SEZ6L: variants seen among roughly 807,000 people sequenced by gnomAD.
SEZ6L encodes seizure related 6 homolog like.
SEZ6L carries 37 observed loss-of-function variants against 106.2 expected under a neutral mutation model. The ratio of observed to expected loss-of-function variants is 0.35; its 90% CI spans 0.27 to 0.46. The LOEUF (loss-of-function observed/expected upper bound fraction) is 0.46, where lower values mean the gene tolerates loss of function less well. Among genes scored for constraint, SEZ6L ranks in the 20% least tolerant of loss-of-function variants. The pLI, the probability that SEZ6L is intolerant of heterozygous loss-of-function variation, is 1.00. For synonymous variants in SEZ6L, 541 were observed against 570.4 expected (o/e 0.95, Z 0.73); for missense variants, 1,172 against 1,332.8 (o/e 0.88, Z 1.88).
At chr22:26,212,734 C>A (rs1365029370) in intron 1 of SEZ6L, among the ~76,000 whole-genome samples, 1 of 152,104 alleles carries the variant, frequency 6.6e-6, no homozygotes, top group Non-Finnish European at 1.5e-5. Flanking sequence ...AGATAAGGGC[C>A]TTGAAAGTAG....
chr22:26,347,731 A>G lies in SEZ6L; in HGVS notation c.2225A>G (p.Asn742Ser). The G allele has an allele frequency of 6.2e-7, 1 of 1,604,676 alleles. No individual in the cohort carries two copies. Among genetic ancestry groups the G allele is most frequent in the East Asian group, 2.3e-5 (1 of 44,022 alleles). ...FIMNYIEVSR[N>S]DSCSDLPEIQ... ...TTCTCTTTTAAAGAGGTATCAAGGAATGACTCCTGCTCGGATTTACCCGAG... is the reference window on the plus strand; with the variant it reads ...TTCTCTTTTAAAGAGGTATCAAGGAGTGACTCCTGCTCGGATTTACCCGAG... Residue 742 changes from asparagine (N) to serine (S), a missense_variant, in exon 11 of 17, where the codon AAT becomes AGT. Physicochemically the swap from Asn to Ser is conservative, Grantham distance 46. Around this residue, in one of 4 missense-constraint regions of SEZ6L, gnomAD observed 534 missense variants for 691.0 expected, o/e 0.77. Transcript: ENST00000248933.
intron 14 of SEZ6L, among the ~76,000 whole-genome samples, chr22:26,374,340 A>G (rs2084145858): frequency 6.6e-6 from 1 of 151,730 alleles, no homozygotes; most frequent in Non-Finnish European, 1.5e-5. Context: ...TCTGACAATA[A>G]TGAGTTCACT....
intron 9 of SEZ6L, among the ~76,000 whole-genome samples, chr22:26,339,498 T>A (rs2082756209): frequency 6.6e-6 from 1 of 152,240 alleles, no homozygotes; most frequent in Non-Finnish European, 1.5e-5. Context: ...AACTATCCAC[T>A]GTGGTTTAAT....
At chr22:26,337,302 C>T (rs551275265) in intron 9 of SEZ6L, among the ~76,000 whole-genome samples, 3 of 152,176 alleles carry the variant, frequency 2.0e-5, no homozygotes. Flanking sequence ...AAAATGAAAG[C>T]TATTTTCACC....
chr22:26,314,071 TACAC>T (rs55746736), intron 9 of SEZ6L, among the ~76,000 whole-genome samples, 169 bp downstream of exon 9: 15 of 145,664 alleles, frequency 1.0e-4, no homozygotes, highest in East Asian at 4.1e-4. Flanking sequence ...GCATCACAAA[TACAC>T]ACACACACAC....
chr22:26,318,427 TA>T (rs1236503566), intron 9 of SEZ6L, among the ~76,000 whole-genome samples: 4 of 149,374 alleles, frequency 2.7e-5, no homozygotes, highest in Non-Finnish European at 4.4e-5. Context: ...AAAAAGTGCC[TA>T]CTGGCTGAAT....
At chr22:26,249,963 T>C (rs2079513345) in intron 1 of SEZ6L, among the ~76,000 whole-genome samples, 1 of 152,224 alleles carries the variant, frequency 6.6e-6, no homozygotes, top group Non-Finnish European at 1.5e-5. Flanking sequence ...GCCATTTACA[T>C]GTCTTATTTT....
chr22:26,250,360 C>A (rs1189580474), intron 1 of SEZ6L, among the ~76,000 whole-genome samples: 2 of 151,974 alleles, frequency 1.3e-5, no homozygotes, highest in Non-Finnish European at 2.9e-5. Context: ...AGATAGGGGT[C>A]TACTTTCATT....
rs762003952 is a variant in SEZ6L, at chr22:26,340,549, C to T, written c.2129C>T (p.Thr710Met). The change falls in exon 10 of 17, where the codon ACG (threonine) becomes ATG (methionine). Residue 710 changes from threonine (T) to methionine (M), a missense_variant. Physicochemically the swap from Thr to Met is moderately conservative, Grantham distance 81 (BLOSUM62 -1). Transcript: ENST00000248933. ...GGCCCCCAGAAACTGTACTCCTCCACGCCAGACTTAACCATCCAGTTCCAT... is the reference window on the plus strand; with the variant it reads ...GGCCCCCAGAAACTGTACTCCTCCATGCCAGACTTAACCATCCAGTTCCAT... ...NSGPQKLYSS[T>M]PDLTIQFHSD... is the part of the protein sequence containing the mutation. 72 of 1,614,042 alleles carry T rather than the reference C, an allele frequency of 4.5e-5. No homozygotes were observed. Among genetic ancestry groups the T allele is most frequent in the Middle Eastern group, 3.3e-4 (2 of 6,084 alleles).
At chr22:26,363,279 A>C (rs2083695279) in intron 12 of SEZ6L, among the ~76,000 whole-genome samples, 1 of 152,240 alleles carries the variant, frequency 6.6e-6, no homozygotes, top group Non-Finnish European at 1.5e-5. Context: ...AATGTAAGTC[A>C]TGTTCACAGA....
At chr22:26,361,333 A>C (rs763140138) in intron 12 of SEZ6L, among the ~76,000 whole-genome samples, 1 of 125,540 alleles carries the variant, frequency 8.0e-6, no homozygotes. Flanking sequence ...CCCCGTCTCT[A>C]CTAAAAATAC....
intron 1 of SEZ6L, among the ~76,000 whole-genome samples, chr22:26,198,217 G>A (rs749398797): frequency 6.6e-6 from 1 of 152,246 alleles, no homozygotes; most frequent in Non-Finnish European, 1.5e-5. Context: ...TGAAACAGAG[G>A]TGATCAGAAT....
chr22:26,272,671 G>C (rs1332352019), intron 1 of SEZ6L, among the ~76,000 whole-genome samples: 1 of 152,208 alleles, frequency 6.6e-6, no homozygotes, highest in African/African-American at 2.4e-5. Context: ...GGCAGCCACT[G>C]GGTTTGTAGT....
intron 1 of SEZ6L, among the ~76,000 whole-genome samples, chr22:26,234,822 G>C (rs2078909782): frequency 6.6e-6 from 1 of 152,254 alleles, no homozygotes; most frequent in African/African-American, 2.4e-5. Context: ...TTACAGGAAA[G>C]TGTGATGAAA....
chr22:26,302,092 T>C (rs775783325), intron 5 of SEZ6L, among the ~76,000 whole-genome samples: 7 of 152,222 alleles, frequency 4.6e-5, no homozygotes, highest in Non-Finnish European at 7.3e-5. Flanking sequence ...ACCACTTTCA[T>C]AGGCAAAGAG....
At chr22:26,304,369 G>GAAGA (rs35971247) in intron 5 of SEZ6L, among the ~76,000 whole-genome samples, 17,212 of 97,710 alleles carry the variant, frequency 0.18, 1,604 homozygotes, top group Middle Eastern at 0.2. Context: ...AAAAAAGAAA[G>GAAGA]AAGAAAGAAA....
intron 5 of SEZ6L, among the ~76,000 whole-genome samples, chr22:26,304,369 GAAGAAAGAAAGAAAGAAAGAAAGAAAGA>G (rs35971247): frequency 2.0e-5 from 2 of 98,300 alleles, no homozygotes; most frequent in Admixed American, 1.2e-4. Context: ...AAAAAAGAAA[GAAGAAAGAAAGAAAGAAAGAAAGAAAGA>G]AAGAAAGAAA....
rs71311556 is a variant in SEZ6L, at chr22:26,278,970, A to AAGGG, written c.95-13420_95-13417dup. 3.2e-3 allele frequency among the ~76,000 whole-genome samples: 337 copies of AAGGG among 105,570 alleles called. 6 individuals are homozygous for AAGGG. The East Asian group carries it at 0.043, about 14-fold the overall frequency. The allele number at this position is 105,570 out of a possible 152,430, so 69.3% of individuals were successfully genotyped here. A position where few individuals can be genotyped will look rare whatever the true frequency, so the allele number is the denominator to read the frequency against. On this transcript the variant is annotated intron_variant, in intron 1 of 16. Transcript: ENST00000248933. ...GAAAAAGAAAGAAAGAGGAGAGAGG[A>AAGGG]AGGGAGGGAGGGAGGGAGGAAGGAA...
chr22:26,225,238 CCAAA>C (rs2078601095), intron 1 of SEZ6L, among the ~76,000 whole-genome samples: 2 of 152,202 alleles, frequency 1.3e-5, no homozygotes, highest in African/African-American at 4.8e-5. Context: ...ACTTGTCACA[CCAAA>C]CACAGGACGA....
Sources: gnomAD v4.1 joint callset for allele counts (sites outside exome capture counted in the v4.1 genomes callset) on GRCh38, gnomAD v4.1.1 for gene constraint, gnomAD v4.1.1 regional missense constraint, MANE v1.5 for transcripts, NCBI Gene and HGNC (gene_info 2026-07-23, HGNC 2026-07-21) for gene names.